Variants in COL24A1 observed in about 807,000 individuals in gnomAD.
The protein encoded by COL24A1 is collagen alpha-1(XXIV) chain.
In COL24A1, 224 loss-of-function variants were observed where a neutral mutation model predicts 253.9. The ratio of observed to expected loss-of-function variants is 0.88; its 90% CI spans 0.79 to 0.99. COL24A1 has a LOEUF of 0.99. Ranked by LOEUF, COL24A1 falls within the 50% of genes least tolerant of loss-of-function variation. The pLI, the probability that COL24A1 is intolerant of heterozygous loss-of-function variation, is 0.00. For synonymous variants in COL24A1, 685 were observed against 673.7 expected, an observed-to-expected ratio of 1.02 and a Z score of -0.26; for missense variants, 2,131 against 2,068.5, an observed-to-expected ratio of 1.03 and a Z score of -0.59.
intron 27 of COL24A1, among the ~76,000 whole-genome samples, chr1:85,907,797 G>C (rs1684985006): frequency 6.6e-6 from 1 of 151,540 alleles, no homozygotes; most frequent in South Asian, 2.1e-4. Flanking sequence ...TATAGCTATA[G>C]TCTTTAATTA....
At chr1:85,894,525 A>G (rs532107286) in intron 31 of COL24A1, among the ~76,000 whole-genome samples, 2 of 129,948 alleles carry the variant, frequency 1.5e-5, no homozygotes, top group African/African-American at 5.9e-5. Context: ...ATGAATAAGT[A>G]ATTTTATTTC....
chr1:85,839,480 G>A (rs753214971), intron 42 of COL24A1, among the ~76,000 whole-genome samples: 1 of 151,502 alleles, frequency 6.6e-6, no homozygotes, highest in East Asian at 2.0e-4. Context: ...TCCCAGCACT[G>A]TGGGAGGCTG....
intron 19 of COL24A1, among the ~76,000 whole-genome samples, chr1:86,003,592 A>G (rs1695642442): frequency 6.6e-6 from 1 of 152,164 alleles, no homozygotes; most frequent in Non-Finnish European, 1.5e-5. Flanking sequence ...TAGCAACAGC[A>G]AAAAAGGTAC....
chr1:86,031,595 A>C (rs1698572943), intron 14 of COL24A1, among the ~76,000 whole-genome samples: 1 of 152,130 alleles, frequency 6.6e-6, no homozygotes, highest in African/African-American at 2.4e-5. Flanking sequence ...TTTTGAGGAA[A>C]CTTTGTCTTA....
intron 38 of COL24A1, 24 bp downstream of exon 38, chr1:85,849,329 G>T (rs768016031): frequency 6.2e-7 from 1 of 1,605,526 alleles, no homozygotes; most frequent in Non-Finnish European, 8.5e-7. Context: ...AAGAAAACCT[G>T]CATAAGAAGA....
intron 45 of COL24A1, among the ~76,000 whole-genome samples, chr1:85,820,755 C>T (rs6576792): frequency 0.33 from 50,200 of 152,078 alleles, 9,535 homozygotes; most frequent in Non-Finnish European, 0.43. Flanking sequence ...TTTCTTTTTG[C>T]CTGGCCAGCA....
intron 5 of COL24A1, among the ~76,000 whole-genome samples, chr1:86,101,834 G>A (rs1361693282): frequency 6.6e-6 from 1 of 152,042 alleles, no homozygotes; most frequent in Admixed American, 6.5e-5. Flanking sequence ...AAGGATGTTG[G>A]CATACAGTTT....
intron 31 of COL24A1, among the ~76,000 whole-genome samples, chr1:85,890,412 C>T (rs368631944): frequency 1.1e-4 from 16 of 147,306 alleles, no homozygotes; most frequent in East Asian, 2.0e-4. Flanking sequence ...CACAAATTTT[C>T]TTTTTTTTTT....
At chr1:86,150,911 C>T (rs1652672526) in intron 1 of COL24A1, among the ~76,000 whole-genome samples, 1 of 152,100 alleles carries the variant, frequency 6.6e-6, no homozygotes, top group Non-Finnish European at 1.5e-5. Context: ...TGACATAATA[C>T]AAATTTTATG....
At chr1:85,895,443 T>G (rs545594034) in intron 31 of COL24A1, among the ~76,000 whole-genome samples, 2 of 152,170 alleles carry the variant, frequency 1.3e-5, no homozygotes, top group South Asian at 4.1e-4. Flanking sequence ...CTCATTATAT[T>G]TATATGTCAC....
At chr1:85,924,822 G>C (rs1054528835) in intron 24 of COL24A1, among the ~76,000 whole-genome samples, 1 of 152,070 alleles carries the variant, frequency 6.6e-6, no homozygotes, top group Admixed American at 6.6e-5. Context: ...TTCTGGTCAG[G>C]GCAATCAGGC....
chr1:85,864,472 C>A (rs1679554834), intron 37 of COL24A1, among the ~76,000 whole-genome samples: 1 of 152,002 alleles, frequency 6.6e-6, no homozygotes, highest in Non-Finnish European at 1.5e-5. Context: ...AGCACACCAA[C>A]ATGGCACATG....
chr1:85,836,772 T>C (rs1676048501), intron 43 of COL24A1, among the ~76,000 whole-genome samples: 3 of 152,202 alleles, frequency 2.0e-5, no homozygotes, highest in Admixed American at 2.0e-4. Flanking sequence ...AACTAGTTTA[T>C]ACAACATCTA....
chr1:85,934,409 A>T lies in COL24A1; in HGVS notation c.2563-22976T>A, dbSNP rs1256864744. On this transcript the variant is annotated intron_variant, in intron 24 of 59. Coordinates refer to ENST00000370571, the MANE Select transcript of COL24A1 (RefSeq NM_152890.7). ...TTTATTAAGACTTTGACTCCTCCCAATAGTTTTCTTTAGTTTCTTGCATGT... is the reference window on the plus strand; with the variant it reads ...TTTATTAAGACTTTGACTCCTCCCATTAGTTTTCTTTAGTTTCTTGCATGT... Among the ~76,000 whole-genome samples, 3 of 152,144 alleles carry T rather than the reference A, an allele frequency of 2.0e-5. No homozygotes were observed. The East Asian group carries it at 5.8e-4, about 29-fold the overall frequency.
chr1:85,843,783 G>A (rs879736134), intron 39 of COL24A1, among the ~76,000 whole-genome samples: 6 of 152,210 alleles, frequency 3.9e-5, no homozygotes, highest in African/African-American at 9.6e-5. Flanking sequence ...AAGTGAATGC[G>A]TGTGGAAACT....
At chr1:86,020,433 G>T (rs1367828711) in intron 18 of COL24A1, among the ~76,000 whole-genome samples, 1 of 152,080 alleles carries the variant, frequency 6.6e-6, no homozygotes, top group East Asian at 1.9e-4. Flanking sequence ...ATAGCCAGTA[G>T]GTTAAGTGCC....
At chr1:85,979,521 G>A (rs1282630860) in intron 20 of COL24A1, among the ~76,000 whole-genome samples, 1 of 151,956 alleles carries the variant, frequency 6.6e-6, no homozygotes, top group African/African-American at 2.4e-5. Context: ...TGATACTACA[G>A]AAATACAAAA....
chr1:86,081,328 A>C (rs1434360723), intron 7 of COL24A1, among the ~76,000 whole-genome samples: 1 of 151,130 alleles, frequency 6.6e-6, no homozygotes, highest in African/African-American at 2.4e-5. Flanking sequence ...TTTTTTTGAA[A>C]GTGTCACTTC....
intron 5 of COL24A1, among the ~76,000 whole-genome samples, chr1:86,107,014 G>A (rs1006011248): frequency 3.9e-5 from 6 of 152,004 alleles, no homozygotes; most frequent in Admixed American, 2.6e-4. Context: ...CATTATCCAC[G>A]GGATAACCTG....
Sources: gnomAD v4.1 joint callset for allele counts (sites outside exome capture counted in the v4.1 genomes callset) on GRCh38, gnomAD v4.1.1 for gene constraint, MANE v1.5 for transcripts, NCBI Gene and HGNC (gene_info 2026-07-23, HGNC 2026-07-21) for gene names.